The following HOOK2 variants were observed in gnomAD, a reference collection of about 807,000 sequenced individuals.
HOOK2 encodes the protein protein Hook homolog 2.
A neutral mutation model predicts 111.9 loss-of-function variants in HOOK2; 108 were observed. That is an observed-to-expected ratio of 0.96 (90% CI 0.83 to 1.13). The LOEUF is 1.13. Among genes scored for constraint, HOOK2 ranks in the 50% most tolerant of loss-of-function variants. The probability of loss-of-function intolerance (pLI) is 0.00; values close to 1 mark genes in which losing one functional copy is unlikely to be tolerated. For missense variants in HOOK2, 978 were observed against 951.3 expected (o/e 1.03, Z -0.37); for synonymous variants, 405 against 394.3 (o/e 1.03, Z -0.32).
intron 3 of HOOK2, among the ~76,000 whole-genome samples, chr19:12,787,586 T>G (rs1968669925): frequency 6.6e-6 from 1 of 150,492 alleles, no homozygotes; most frequent in Non-Finnish European, 1.5e-5. Context: ...GAGCTGATAT[T>G]GTGCCACTGC....
chr19:12,765,510 G>T (rs759303174), intron 18 of HOOK2, 180 bp downstream of exon 18: 88 of 803,264 alleles, frequency 1.1e-4, no homozygotes, highest in Non-Finnish European at 1.7e-4. Context: ...CACTTTGGGA[G>T]GCCAAAGCGG....
At chr19:12,777,718 G>C (rs1968554779), upstream of HOOK2, among the ~76,000 whole-genome samples, 1 of 152,244 alleles carries the variant, frequency 6.6e-6, no homozygotes, top group African/African-American at 2.4e-5. Flanking sequence ...GGCTGAAGCT[G>C]CCGCGTCGCC....
intron 3 of HOOK2, among the ~76,000 whole-genome samples, chr19:12,784,115 C>T (rs2145796879): frequency 6.6e-6 from 1 of 152,290 alleles, no homozygotes; most frequent in East Asian, 1.9e-4. Context: ...CGGGAACATC[C>T]TGTGGACTGC....
chr19:12,778,034 T>G (rs998199068), upstream of HOOK2, among the ~76,000 whole-genome samples: 6 of 151,880 alleles, frequency 4.0e-5, no homozygotes, highest in African/African-American at 1.5e-4. Flanking sequence ...AGGGGAAGGG[T>G]GAAGCCCAGG....
chr19:12,787,827 C>T (rs1361064199), intron 3 of HOOK2, among the ~76,000 whole-genome samples: 1 of 151,882 alleles, frequency 6.6e-6, no homozygotes, highest in Non-Finnish European at 1.5e-5. Flanking sequence ...GAGACTCAGG[C>T]GGGCTGATCA....
At chr19:12,764,616 C>T (rs951169810) in intron 20 of HOOK2, 198 bp downstream of exon 20, 6 of 603,954 alleles carry the variant, frequency 9.9e-6, no homozygotes, top group Admixed American at 8.9e-5. Flanking sequence ...CCATGAGCCA[C>T]GGCACCCAGC....
rs1366010755 is a variant in HOOK2 at position 12,786,107 on chromosome 19, C to A, written n.42-11882G>T. 2.0e-5 allele frequency among the ~76,000 whole-genome samples: 3 copies of A among 152,228 alleles called. No individual in the cohort carries two copies. Among genetic ancestry groups the A allele is most frequent in the African/African-American group, 7.2e-5 (3 of 41,458 alleles). On this transcript the variant is annotated intron_variant and non_coding_transcript_variant, in intron 3 of 3. Coordinates refer to the HOOK2 transcript ENST00000589765. This position sits in a 1 kb window ranked among gnomAD's most constrained non-coding sequence, Gnocchi z 4.3. ...GCTTCCAAGAAAACCTAGCAGCTTCCTCTCCAGGAGAGGGGGCAAAGGACC... is the reference window on the plus strand; with the variant it reads ...GCTTCCAAGAAAACCTAGCAGCTTCATCTCCAGGAGAGGGGGCAAAGGACC...
At position 12,791,521 on chromosome 19, in the gene HOOK2, A is replaced by G; in HGVS notation, n.42-17296T>C. ...GAGCGGCCAGGCCAGCCTCGGAGCCAGCAGGGAGCTGGGAGCTGGGGGAAA... is the reference window on the plus strand; with the variant it reads ...GAGCGGCCAGGCCAGCCTCGGAGCCGGCAGGGAGCTGGGAGCTGGGGGAAA... On this transcript the variant is annotated intron_variant and non_coding_transcript_variant, in intron 3 of 3. Coordinates refer to the HOOK2 transcript ENST00000589765. The surrounding 1 kb of genome is among the most constrained non-coding windows in gnomAD (Gnocchi z 7.0). The G allele has an allele frequency of 2.3e-6, 1 of 443,446 alleles. No homozygotes were observed. The highest frequency in any genetic ancestry group is 4.0e-6 in the Non-Finnish European group (1 of 250,314). The allele number at this position is 443,446 out of a possible 1,614,324, so 27.5% of individuals were successfully genotyped here.
At position 12,765,911 on chromosome 19, in the gene HOOK2, G is replaced by T; in HGVS notation, c.1599+16C>A. On this transcript the variant is annotated intron_variant, in intron 16 of 22. Transcript: ENST00000397668. ...ACAAGGGAGGGCCAGGCTGGGAGGTGGTGGGTGACACTCACATCTTCAGTC... is the reference window on the plus strand; with the variant it reads ...ACAAGGGAGGGCCAGGCTGGGAGGTTGTGGGTGACACTCACATCTTCAGTC... The T allele has an allele frequency of 6.2e-7, 1 of 1,613,476 alleles. No homozygotes were observed. Among genetic ancestry groups the T allele is most frequent in the African/African-American group, 1.3e-5 (1 of 75,018 alleles).
rs1026463719 is a variant in HOOK2 at position 12,775,424 on chromosome 19, C to A, written c.26G>T (p.Cys9Phe). Residue 9 changes from cysteine (C) to phenylalanine (F), a missense_variant, in exon 1 of 23, where the codon TGC becomes TTC. Around this residue, in one of 5 missense-constraint regions of HOOK2, gnomAD observed 301 missense variants for 286.1 expected, o/e 1.05. Transcript: ENST00000397668. MSVDKAEL[C>F]GSLLTWLQTF... ...ACCTACCCAGGTGAGCAGAGACCCG[C>A]ATAGCTCAGCTTTGTCCACGCTCAT... is the stretch of plus-strand genomic sequence containing the variant. 5.6e-6 allele frequency: 9 copies of A among 1,612,966 alleles called. No homozygotes were observed. The highest frequency in any genetic ancestry group is 3.3e-5 in the Admixed American group (2 of 59,970).
At chr19:12,772,535 C>T (rs1879109421) in intron 6 of HOOK2, 78 bp downstream of exon 6, 12 of 1,487,022 alleles carry the variant, frequency 8.1e-6, no homozygotes, top group African/African-American at 6.9e-5. Flanking sequence ...AGGGCAGGAC[C>T]TGTGCCCAGT....
chr19:12,789,447 G>T (rs1274514767), intron 3 of HOOK2, among the ~76,000 whole-genome samples: 3 of 152,128 alleles, frequency 2.0e-5, no homozygotes, highest in African/African-American at 7.2e-5. Context: ...GGGAAGGAGG[G>T]GGGCTCCCTC....
chr19:12,769,741 G>A (rs939754975), intron 11 of HOOK2, 140 bp downstream of exon 11: 1 of 617,890 alleles, frequency 1.6e-6, no homozygotes, highest in South Asian at 2.7e-5. Flanking sequence ...GAAGAGCAGC[G>A]TGGGTGGAGG....
At position 12,771,419 on chromosome 19, in the gene HOOK2, C is replaced by A. The variant is rs575560431; in HGVS notation, c.578G>T (p.Arg193Leu). 9.3e-6 allele frequency: 15 copies of A among 1,613,678 alleles called. No homozygotes were observed. The South Asian group carries it at 1.3e-4, about 14-fold the overall frequency. ...EAEEGDELQQ[R>L]CLDLERQLML... ...TACCTGCCGCTCCAGATCCAGACAG[C>A]GCTGCTGTAATTCGTCCCCCTCCTC... The change falls in exon 8 of 23, where the codon CGC (arginine) becomes CTC (leucine). Residue 193 changes from arginine to leucine, a missense_variant. Arg to Leu is a moderately radical substitution (Grantham distance 102, BLOSUM62 -2). Around this residue, in one of 5 missense-constraint regions of HOOK2, gnomAD observed 301 missense variants for 286.1 expected, o/e 1.05. Transcript: ENST00000397668.
upstream of HOOK2, among the ~76,000 whole-genome samples, chr19:12,782,493 C>A (rs984905280): frequency 6.6e-6 from 1 of 152,244 alleles, no homozygotes; most frequent in African/African-American, 2.4e-5. Context: ...CCTCCCGCCC[C>A]GCCGTTCCCC....
chr19:12,765,219 C>A, intron 18 of HOOK2, 138 bp from the exon 19 acceptor site: 1 of 813,140 alleles, frequency 1.2e-6, no homozygotes, highest in Non-Finnish European at 2.0e-6. Context: ...CCCCTCATGC[C>A]TGGGGCTGTG....
rs765960057 is a variant in HOOK2, at chr19:12,771,274, C to G, written c.646G>C (p.Ala216Pro). ...EEKQSLAQENAGLRERMGRPE... is the reference protein window; with the variant it reads ...EEKQSLAQENPGLRERMGRPE... ...CGGCCCATCCGCTCCCGCAGCCCTG[C>G]ATTCTCTTGCGCCAGGCTCTGCTTC... is the stretch of plus-strand genomic sequence containing the variant. The change falls in exon 9 of 23, where the codon GCA becomes CCA. Residue 216 changes from alanine (A) to proline (P), a missense_variant. By Grantham distance (27) the Ala-to-Pro change is conservative. This residue lies in a region of HOOK2 where 301 missense variants were observed against 286.1 expected (regional missense o/e 1.05). Coordinates refer to ENST00000397668, the MANE Select transcript of HOOK2 (RefSeq NM_013312.3). The G allele has an allele frequency of 6.2e-7, 1 of 1,604,440 alleles. No individual in the cohort carries two copies. Among genetic ancestry groups the G allele is most frequent in the African/African-American group, 1.3e-5 (1 of 74,856 alleles).
chr19:12,767,756 C>G (rs752459517), intron 13 of HOOK2, 60 bp downstream of exon 13: 22 of 1,492,562 alleles, frequency 1.5e-5, no homozygotes, highest in Non-Finnish European at 2.0e-5. Flanking sequence ...GGGACACAAC[C>G]TGTTCTACCC....
In HOOK2 at chr19:12,771,308, C is replaced by G; in HGVS notation, c.612G>C (p.Leu204=). 6.2e-7 allele frequency: 1 copy of G among 1,603,656 alleles called. No individual in the cohort carries two copies. The highest frequency in any genetic ancestry group is 1.1e-5 in the South Asian group (1 of 89,418). The part of the protein sequence containing the change: ...CLDLERQLML[L]SEEKQSLAQE... The stretch of plus-strand genomic sequence containing the variant: ...GCGCCAGGCTCTGCTTCTCCTCTGA[C>G]AGGAGCATCAGCTGCGGGCAGGGCA... The change falls in exon 9 of 23, where the codon CTG becomes CTC. Residue 204 remains leucine (L), a synonymous_variant. Coordinates refer to ENST00000397668, the MANE Select transcript of HOOK2 (RefSeq NM_013312.3).
Sources: allele counts gnomAD v4.1 joint callset (sites outside exome capture counted in the v4.1 genomes callset), GRCh38; gene constraint gnomAD v4.1.1; regional missense constraint gnomAD v4.1.1; non-coding constraint Gnocchi (gnomAD v3.1); transcripts MANE v1.5; gene names NCBI Gene and HGNC (gene_info 2026-07-23, HGNC 2026-07-21).